CDK13: variants seen among roughly 807,000 people sequenced by gnomAD.
CDK13 encodes cyclin dependent kinase 13, also known as cyclin-dependent kinase 13.
In CDK13, 40 loss-of-function variants were observed where a neutral mutation model predicts 137.6. That is an observed-to-expected ratio of 0.29 (90% confidence interval 0.23 to 0.38). CDK13 has a LOEUF of 0.38. Ranked by LOEUF, CDK13 falls within the 10% of genes least tolerant of loss-of-function variation. The pLI is 1.00. For missense variants in CDK13, 1,704 were observed against 1,951.8 expected, an observed-to-expected ratio of 0.87 and a Z score of 2.39; for synonymous variants, 869 against 760.1, an observed-to-expected ratio of 1.14 and a Z score of -2.36.
At chr7:40,079,834 G>T (rs1450647754) in intron 11 of CDK13, among the ~76,000 whole-genome samples, 1 of 152,118 alleles carries the variant, frequency 6.6e-6, no homozygotes, top group Non-Finnish European at 1.5e-5. Flanking sequence ...TAGAGTTTGG[G>T]AGTCAAAATA....
At chr7:40,037,359 G>A (rs755371162) in intron 5 of CDK13, among the ~76,000 whole-genome samples, 3 of 152,192 alleles carry the variant, frequency 2.0e-5, no homozygotes, top group Non-Finnish European at 4.4e-5. Context: ...CCACTTCCAA[G>A]ATGGCTCCCC....
intron 5 of CDK13, among the ~76,000 whole-genome samples, chr7:40,008,394 T>G (rs894819600): frequency 6.6e-6 from 1 of 152,200 alleles, no homozygotes; most frequent in African/African-American, 2.4e-5. Context: ...ACTGGGGATA[T>G]TAAACAAACA....
intron 1 of CDK13, chr7:39,986,621 G>A (rs1784342477): frequency 6.6e-6 from 1 of 152,124 alleles, no homozygotes; most frequent in African/African-American, 2.4e-5. Context: ...AATAATAGTT[G>A]TCAAGTACTT....
intron 7 of CDK13, among the ~76,000 whole-genome samples, chr7:40,057,261 A>G (rs1206591209): frequency 6.6e-6 from 1 of 152,220 alleles, no homozygotes; most frequent in African/African-American, 2.4e-5. Context: ...CTCAAAAGAA[A>G]AAAAAAATTT....
At chr7:39,979,848 C>T (rs1399973434) in intron 1 of CDK13, among the ~76,000 whole-genome samples, 2 of 151,924 alleles carry the variant, frequency 1.3e-5, no homozygotes, top group Non-Finnish European at 2.9e-5. Flanking sequence ...CACGTGATGA[C>T]AGGAATAGGA....
intron 1 of CDK13, chr7:39,985,139 T>C (rs1186089418): frequency 8.1e-6 from 1 of 123,466 alleles, no homozygotes; most frequent in East Asian, 2.9e-4. Context: ...CTCCAGCCTC[T>C]GGTAACCGTC....
intron 5 of CDK13, among the ~76,000 whole-genome samples, chr7:40,021,393 G>A (rs1049975192): frequency 5.3e-5 from 8 of 151,910 alleles, no homozygotes; most frequent in Non-Finnish European, 1.5e-5. Flanking sequence ...CTACTTGGGA[G>A]GCTGAGGCAG....
intron 5 of CDK13, among the ~76,000 whole-genome samples, chr7:40,016,253 C>T (rs1308743266): frequency 6.6e-6 from 1 of 152,158 alleles, no homozygotes; most frequent in African/African-American, 2.4e-5. Context: ...GATTGTTTTA[C>T]TTTTGCCACA....
At position 39,969,423 on chromosome 7, in the gene CDK13, C is replaced by G. The variant is rs372504426; in HGVS notation, c.1211+17571C>G. Among the ~76,000 whole-genome samples the G allele has an allele frequency of 3.9e-4, 60 of 152,252 alleles. 1 individual carries two copies. The South Asian group carries it at 0.012, about 30-fold the overall frequency. ...TGAGTACTTATTACATCCAGTTTAC[C>G]CAGTTGGTAGGCATTTGAGTTATTT... is the stretch of plus-strand genomic sequence containing the variant. On this transcript the variant is annotated intron_variant, in intron 1 of 13. Coordinates refer to ENST00000181839, the MANE Select transcript of CDK13 (RefSeq NM_003718.5).
chr7:39,952,652 A>G (rs777123839), intron 1 of CDK13: 5 of 152,224 alleles, frequency 3.3e-5, no homozygotes, highest in African/African-American at 4.8e-5. Context: ...TTATACTATT[A>G]TAAGCCTGTA....
chr7:39,965,975 G>C (rs1170486590), intron 1 of CDK13, among the ~76,000 whole-genome samples: 1 of 152,198 alleles, frequency 6.6e-6, no homozygotes, highest in African/African-American at 2.4e-5. Flanking sequence ...TAGAGTATCT[G>C]CTGAGAGATC....
At chr7:40,092,733 T>G in intron 12 of CDK13, 52 bp from the exon 13 acceptor site, 6 of 1,340,478 alleles carry the variant, frequency 4.5e-6, no homozygotes, top group Non-Finnish European at 6.3e-6. Context: ...GGTGTGGGAG[T>G]GGGAGGAGCT....
At chr7:40,036,339 A>G (rs1192779309) in intron 5 of CDK13, among the ~76,000 whole-genome samples, 1 of 152,128 alleles carries the variant, frequency 6.6e-6, no homozygotes, top group Admixed American at 6.6e-5. Context: ...AAAATATTCA[A>G]ACATCTAAAA....
chr7:39,977,346 T>C (rs1784132585), intron 1 of CDK13, among the ~76,000 whole-genome samples: 1 of 152,176 alleles, frequency 6.6e-6, no homozygotes, highest in Non-Finnish European at 1.5e-5. Flanking sequence ...TCTTTAATTG[T>C]GTAAATATTT....
chr7:40,068,571 G>A (rs1292478199), intron 9 of CDK13, among the ~76,000 whole-genome samples: 2 of 151,710 alleles, frequency 1.3e-5, no homozygotes, highest in Non-Finnish European at 2.9e-5. Flanking sequence ...GTGTGTGCCT[G>A]TAATCCCAGC....
chr7:40,050,878 T>G (rs1024538609), intron 7 of CDK13, among the ~76,000 whole-genome samples: 3 of 152,236 alleles, frequency 2.0e-5, no homozygotes, highest in Non-Finnish European at 4.4e-5. Flanking sequence ...ATTACCATTT[T>G]AATCTAATAG....
intron 5 of CDK13, among the ~76,000 whole-genome samples, chr7:40,002,921 AC>A (rs1365675739): frequency 3.3e-5 from 5 of 149,664 alleles, no homozygotes; most frequent in African/African-American, 1.2e-4. Context: ...AAAAAAAACA[AC>A]CAGAAAATTG....
At chr7:40,024,204 CCACT>C (rs897677835) in intron 5 of CDK13, among the ~76,000 whole-genome samples, 2 of 152,158 alleles carry the variant, frequency 1.3e-5, no homozygotes, top group Non-Finnish European at 2.9e-5. Context: ...GCTTCCCTCT[CCACT>C]CACTCCTTAC....
At chr7:40,042,293 C>G (rs998624510) in intron 5 of CDK13, among the ~76,000 whole-genome samples, 3 of 151,630 alleles carry the variant, frequency 2.0e-5, no homozygotes, top group Non-Finnish European at 2.9e-5. Context: ...GTTGGCCAGG[C>G]TGGTCTCGAA....
Sources: gnomAD v4.1 joint callset for allele counts (sites outside exome capture counted in the v4.1 genomes callset) on GRCh38, gnomAD v4.1.1 for gene constraint, MANE v1.5 for transcripts, NCBI Gene and HGNC (gene_info 2026-07-23, HGNC 2026-07-21) for gene names.